Variants in PRELID2 observed in about 807,000 individuals in gnomAD.
PRELID2 encodes the protein PRELI domain-containing protein 2.
Under a neutral mutation model 28.4 loss-of-function variants are expected in PRELID2, and 25 were observed. The ratio of observed to expected loss-of-function variants is 0.88; its 90% CI spans 0.64 to 1.23. The LOEUF (loss-of-function observed/expected upper bound fraction) is 1.23, where lower values mean the gene tolerates loss of function less well. Ranked by LOEUF, PRELID2 falls within the 50% of genes most tolerant of loss-of-function variation. PRELID2 has a pLI of 0.00. For missense variants in PRELID2, 201 were observed against 214.4 expected (o/e 0.94, Z 0.39); for synonymous variants, 76 against 71.6 (o/e 1.06, Z -0.31).
chr5:145,393,278 G>A, the PRELID2 span, among the ~76,000 whole-genome samples: 1 of 142,230 alleles, frequency 7.0e-6, no homozygotes, highest in East Asian at 2.1e-4. Flanking sequence ...CAGAACTAAA[G>A]CCCAAATGTC....
chr5:145,340,233 G>A, the PRELID2 span, among the ~76,000 whole-genome samples: 1 of 152,176 alleles, frequency 6.6e-6, no homozygotes, highest in East Asian at 1.9e-4. Context: ...TGTGGTCTGA[G>A]GTCTGGCTGA....
At chr5:145,380,922 G>A in the PRELID2 span, among the ~76,000 whole-genome samples, 8 of 152,250 alleles carry the variant, frequency 5.3e-5, no homozygotes, top group South Asian at 2.1e-4. Flanking sequence ...CAGGTTTTAT[G>A]CATGTTCTAG....
chr5:145,451,769 G>GTTTTCA, the PRELID2 span, among the ~76,000 whole-genome samples: 1 of 152,114 alleles, frequency 6.6e-6, no homozygotes, highest in African/African-American at 2.4e-5. Flanking sequence ...ATTTTTTAAA[G>GTTTTCA]TCAGTTTATA....
intron 1 of PRELID2, among the ~76,000 whole-genome samples, chr5:145,824,568 C>A (rs1755055416): frequency 6.6e-6 from 1 of 152,074 alleles, no homozygotes; most frequent in Admixed American, 6.6e-5. Flanking sequence ...AACACAGGCT[C>A]TCTGAGGGCA....
At chr5:145,615,260 G>A (rs1359661767) in intron 1 of PRELID2, among the ~76,000 whole-genome samples, 1 of 151,356 alleles carries the variant, frequency 6.6e-6, no homozygotes, top group Non-Finnish European at 1.5e-5. Flanking sequence ...TGTATAAAAT[G>A]CCTTCTTCCA....
intron 1 of PRELID2, among the ~76,000 whole-genome samples, chr5:145,506,767 G>C (rs12652125): frequency 6.6e-6 from 1 of 151,906 alleles, no homozygotes. Context: ...AATTCCATCT[G>C]CCAGGCCCCT....
chr5:145,529,413 C>T (rs193077044), intron 1 of PRELID2, among the ~76,000 whole-genome samples: 1 of 152,186 alleles, frequency 6.6e-6, no homozygotes, highest in African/African-American at 2.4e-5. Context: ...AACAATCAGA[C>T]CAGGATTTTT....
chr5:145,669,495 A>C (rs892847011), intron 1 of PRELID2, among the ~76,000 whole-genome samples: 11 of 152,176 alleles, frequency 7.2e-5, no homozygotes, highest in African/African-American at 2.7e-4. Context: ...CTAGACATAG[A>C]TCCGACTGTG....
chr5:145,736,385 A>G (rs1756497571), intron 1 of PRELID2, among the ~76,000 whole-genome samples: 1 of 64,794 alleles, frequency 1.5e-5, no homozygotes, highest in African/African-American at 4.4e-5. Flanking sequence ...AACTTTCCCA[A>G]GAACACACAG....
At chr5:145,732,848 G>C (rs544607951) in intron 1 of PRELID2, among the ~76,000 whole-genome samples, 2 of 152,282 alleles carry the variant, frequency 1.3e-5, no homozygotes, top group South Asian at 4.1e-4. Flanking sequence ...ATGGGGATGG[G>C]AAGTGAAGAT....
chr5:145,723,330 G>T (rs745881110), intron 1 of PRELID2, among the ~76,000 whole-genome samples: 16 of 152,146 alleles, frequency 1.1e-4, no homozygotes, highest in Non-Finnish European at 2.1e-4. Context: ...AAACGTGCAA[G>T]ACTTGTACCA....
At chr5:145,796,659 C>G in intron 4 of PRELID2, 112 bp from the exon 5 acceptor site, 1 of 477,312 alleles carries the variant, frequency 2.1e-6, no homozygotes, top group Non-Finnish European at 3.6e-6. Flanking sequence ...AAATAATATC[C>G]TTAATAATTC....
chr5:145,511,998 A>G (rs1043600418), intron 1 of PRELID2, among the ~76,000 whole-genome samples: 1 of 152,208 alleles, frequency 6.6e-6, no homozygotes, highest in African/African-American at 2.4e-5. Context: ...GTAAAAAATC[A>G]TAAGGCAAAT....
At chr5:145,371,574 T>C in the PRELID2 span, among the ~76,000 whole-genome samples, 1 of 152,004 alleles carries the variant, frequency 6.6e-6, no homozygotes, top group Admixed American at 6.6e-5. Flanking sequence ...AAAATTTTCT[T>C]TTTTTGTTAT....
At chr5:145,802,962 T>C (rs759264346) in intron 4 of PRELID2, among the ~76,000 whole-genome samples, 1 of 152,118 alleles carries the variant, frequency 6.6e-6, no homozygotes, top group Non-Finnish European at 1.5e-5. Context: ...AAGCTCTTAA[T>C]GAGATCCTGT....
chr5:145,729,050 A>G (rs1638428204), intron 1 of PRELID2: 1 of 629,180 alleles, frequency 1.6e-6, no homozygotes, highest in East Asian at 2.6e-5. Flanking sequence ...ACTACATAAT[A>G]AATGCCTTAA....
At chr5:145,276,386 G>T in the PRELID2 span, among the ~76,000 whole-genome samples, 1 of 151,952 alleles carries the variant, frequency 6.6e-6, no homozygotes, top group Non-Finnish European at 1.5e-5. Context: ...GTTTCACATG[G>T]TCACAGTGTA....
intron 1 of PRELID2, among the ~76,000 whole-genome samples, chr5:145,625,829 T>C (rs954080406): frequency 8.5e-5 from 13 of 152,202 alleles, no homozygotes; most frequent in African/African-American, 2.9e-4. Context: ...AAATGTACTA[T>C]AATTCTTGAC....
chr5:145,812,880 A>G (rs991397291), intron 4 of PRELID2, among the ~76,000 whole-genome samples: 1 of 152,244 alleles, frequency 6.6e-6, no homozygotes, highest in Non-Finnish European at 1.5e-5. Flanking sequence ...CAGTGAAGGA[A>G]GAAAGCATAT....
Sources: gnomAD v4.1 joint callset for allele counts (sites outside exome capture counted in the v4.1 genomes callset) on GRCh38, gnomAD v4.1.1 for gene constraint, MANE v1.5 for transcripts, NCBI Gene and HGNC (gene_info 2026-07-23, HGNC 2026-07-21) for gene names.